HS1BP3: variants seen among roughly 807,000 people sequenced by gnomAD.
The protein encoded by HS1BP3 is HCLS1-binding protein 3.
Under a neutral mutation model 33.5 loss-of-function variants are expected in HS1BP3, and 32 were observed. The ratio of observed to expected loss-of-function variants is 0.95; its 90% CI spans 0.72 to 1.28. The LOEUF (loss-of-function observed/expected upper bound fraction) is 1.28, where lower values mean the gene tolerates loss of function less well. Ranked by LOEUF, HS1BP3 falls within the 50% of genes most tolerant of loss-of-function variation. The probability of loss-of-function intolerance (pLI) is 0.00; values close to 1 mark genes in which losing one functional copy is unlikely to be tolerated. For synonymous variants in HS1BP3, 187 were observed against 209.2 expected (o/e 0.89, Z 0.92); for missense variants, 486 against 502.3 (o/e 0.97, Z 0.31).
intron 5 of HS1BP3, among the ~76,000 whole-genome samples, chr2:20,572,502 C>T (rs1232079599): frequency 1.3e-5 from 2 of 152,174 alleles, no homozygotes; most frequent in African/African-American, 4.8e-5. Context: ...GGACTTTGTC[C>T]TCCAACCAAC....
At chr2:20,640,893 A>G (rs1695318707) in intron 3 of HS1BP3, 80 bp downstream of exon 3, 2 of 1,380,868 alleles carry the variant, frequency 1.4e-6, no homozygotes, top group East Asian at 2.3e-5. Flanking sequence ...AGCTGTGGAC[A>G]TGCTCCCACT....
chr2:20,627,946 G>A (rs892978206), intron 4 of HS1BP3, among the ~76,000 whole-genome samples: 2 of 152,180 alleles, frequency 1.3e-5, no homozygotes, highest in Non-Finnish European at 2.9e-5. Flanking sequence ...GTGGAGGACA[G>A]GTAGGCAGGG....
intron 5 of HS1BP3, among the ~76,000 whole-genome samples, chr2:20,562,606 T>C (rs1693028056): frequency 6.6e-6 from 1 of 152,218 alleles, no homozygotes; most frequent in African/African-American, 2.4e-5. Flanking sequence ...GAACCCATGA[T>C]TTACAGCCAG....
downstream of HS1BP3, among the ~76,000 whole-genome samples, chr2:20,591,854 G>A (rs116572827): frequency 0.016 from 2,378 of 152,228 alleles, 58 homozygotes; most frequent in African/African-American, 0.055. Flanking sequence ...CCGAGCCACC[G>A]CACCTGGCCC....
intron 5 of HS1BP3, 147 bp downstream of exon 5, chr2:20,624,585 G>A (rs1694710746): frequency 1.2e-5 from 9 of 750,102 alleles, no homozygotes; most frequent in Non-Finnish European, 1.9e-5. Context: ...CAGATGTCAT[G>A]GAAGCACAAA....
At chr2:20,591,383 C>T (rs1693810094), downstream of HS1BP3, 1 of 158,474 alleles carries the variant, frequency 6.3e-6, no homozygotes, top group African/African-American at 2.4e-5. Context: ...CTGTGCACCA[C>T]CAGACCACAA....
At chr2:20,615,835 G>A (rs1292360406), downstream of HS1BP3, among the ~76,000 whole-genome samples, 1 of 152,232 alleles carries the variant, frequency 6.6e-6, no homozygotes, top group Non-Finnish European at 1.5e-5. Flanking sequence ...GAGAGCTTGA[G>A]ACTCAGAGGA....
downstream of HS1BP3, among the ~76,000 whole-genome samples, chr2:20,617,565 A>T (rs1694457123): frequency 6.6e-6 from 1 of 152,084 alleles, no homozygotes; most frequent in African/African-American, 2.4e-5. Context: ...ACGGGCCAGG[A>T]GCTGAGACAC....
intron 5 of HS1BP3, among the ~76,000 whole-genome samples, chr2:20,569,076 GC>G (rs1179049776): frequency 1.3e-5 from 2 of 152,190 alleles, no homozygotes; most frequent in East Asian, 1.9e-4. Context: ...ACTGACAGTG[GC>G]CCTACAGCTC....
At chr2:20,631,340 C>T (rs1694960475) in intron 4 of HS1BP3, among the ~76,000 whole-genome samples, 1 of 151,574 alleles carries the variant, frequency 6.6e-6, no homozygotes, top group Non-Finnish European at 1.5e-5. Flanking sequence ...ATAGTGAAAC[C>T]TCATCTCTAC....
At chr2:20,626,581 G>A (rs1694791945) in intron 4 of HS1BP3, among the ~76,000 whole-genome samples, 1 of 152,232 alleles carries the variant, frequency 6.6e-6, no homozygotes, top group Non-Finnish European at 1.5e-5. Flanking sequence ...TGATCCTGCT[G>A]TTCTCTGGGG....
chr2:20,572,301 C>T (rs1214571735), intron 5 of HS1BP3, among the ~76,000 whole-genome samples: 1 of 152,220 alleles, frequency 6.6e-6, no homozygotes, highest in East Asian at 1.9e-4. Context: ...CATTTTTCCT[C>T]TGTTCCTATC....
At chr2:20,631,100 G>A (rs572873108) in intron 4 of HS1BP3, among the ~76,000 whole-genome samples, 2 of 152,158 alleles carry the variant, frequency 1.3e-5, no homozygotes, top group Non-Finnish European at 2.9e-5. Context: ...TGCCAAGTGG[G>A]TCCTGGATGC....
At chr2:20,587,564 C>T (rs1449407941) in intron 5 of HS1BP3, among the ~76,000 whole-genome samples, 1 of 152,076 alleles carries the variant, frequency 6.6e-6, no homozygotes, top group Non-Finnish European at 1.5e-5. Context: ...ATGACAGTGG[C>T]CATGGTCCCA....
Position 20,593,618 on chromosome 2 carries a change from T to C in HS1BP3, c.*13-824A>G, listed in dbSNP as rs372042154. Among the ~76,000 whole-genome samples, 174 of 152,236 alleles carry C rather than the reference T, an allele frequency of 1.1e-3. 1 individual carries two copies. The highest frequency in any genetic ancestry group is 4.1e-3 in the African/African-American group (169 of 41,534). On this transcript the variant is annotated intron_variant, in intron 3 of 3. Coordinates refer to the HS1BP3 transcript ENST00000415264. ...GTGATCCTCTTTTTCGAGCCAGACA[T>C]GTTGGCTCAGCCAACACTCCCTGAG...
chr2:20,645,557 C>T (rs1174378537), intron 1 of HS1BP3, 52 bp from the exon 2 acceptor site: 1 of 1,550,230 alleles, frequency 6.5e-7, no homozygotes, highest in African/African-American at 1.4e-5. Context: ...CAGTAGGCTT[C>T]CCGAGCAAAG....
intron 5 of HS1BP3, among the ~76,000 whole-genome samples, chr2:20,570,045 C>T (rs1051570939): frequency 3.3e-5 from 5 of 152,154 alleles, no homozygotes; most frequent in South Asian, 2.1e-4. Context: ...CTTTATGCAA[C>T]GGGCTGCACC....
At chr2:20,621,845 G>C (rs1450843266) in intron 6 of HS1BP3, among the ~76,000 whole-genome samples, 1 of 152,222 alleles carries the variant, frequency 6.6e-6, no homozygotes, top group Non-Finnish European at 1.5e-5. Flanking sequence ...AGGCTGCAAG[G>C]CACCCCTTTT....
chr2:20,605,851 T>C (rs1039598370), intron 2 of HS1BP3, among the ~76,000 whole-genome samples: 4 of 152,378 alleles, frequency 2.6e-5, no homozygotes, highest in Admixed American at 2.0e-4. Context: ...GTTCTTCCAC[T>C]GATGGATGTT....
Sources: allele counts gnomAD v4.1 joint callset (sites outside exome capture counted in the v4.1 genomes callset), GRCh38; gene constraint gnomAD v4.1.1; transcripts MANE v1.5; gene names NCBI Gene and HGNC (gene_info 2026-07-23, HGNC 2026-07-21).